The following CIMAP1A variants were observed in gnomAD, a reference collection of about 807,000 sequenced individuals.
The protein encoded by CIMAP1A is cancer/testis antigen 135.
the CIMAP1A span, chr11:198,125 G>C: frequency 9.7e-5 from 152 of 1,565,628 alleles, no homozygotes; most frequent in Non-Finnish European, 1.3e-4. Flanking sequence ...ATGTTGGGGA[G>C]TCCTCCTTGA....
At chr11:199,484 G>C in the CIMAP1A span, 3 of 1,559,560 alleles carry the variant, frequency 1.9e-6, no homozygotes, top group Non-Finnish European at 1.7e-6. Flanking sequence ...CTCAAGCCAG[G>C]ACCAGGCGCC....
chr11:198,672 G>A, the CIMAP1A span: 1 of 1,529,772 alleles, frequency 6.5e-7, no homozygotes, highest in African/African-American at 1.4e-5. Context: ...GTTCGGCCCT[G>A]CCTTGCCAAT....
At chr11:197,914 G>T in the CIMAP1A span, 4 of 1,494,496 alleles carry the variant, frequency 2.7e-6, no homozygotes, top group Non-Finnish European at 3.6e-6. Context: ...GGTCACCATC[G>T]TGCCTGGGCA....
chr11:199,661 G>A, the CIMAP1A span: 2 of 1,408,142 alleles, frequency 1.4e-6, no homozygotes, highest in Non-Finnish European at 1.8e-6. Flanking sequence ...GGGTGGAGGG[G>A]TGGGGTGGGG....
chr11:199,478 A>G, the CIMAP1A span: 4 of 1,560,182 alleles, frequency 2.6e-6, no homozygotes, highest in East Asian at 9.6e-5. Context: ...AAGACCCTCA[A>G]GCCAGGACCA....
chr11:198,727 G>A, the CIMAP1A span: 8,448 of 1,471,616 alleles, frequency 5.7e-3, 41 homozygotes, highest in Non-Finnish European at 6.5e-3. Flanking sequence ...CACCTGCCAC[G>A]TGCTGGGGTT....
the CIMAP1A span, chr11:198,227 G>A: frequency 6.2e-7 from 1 of 1,613,984 alleles, no homozygotes; most frequent in East Asian, 2.2e-5. Flanking sequence ...AATCCACCAA[G>A]TACGTGTTCG....
At chr11:199,406 G>A in the CIMAP1A span, 36 of 1,574,984 alleles carry the variant, frequency 2.3e-5, no homozygotes, top group Admixed American at 9.2e-5. Context: ...ACTGATGTGC[G>A]GGTGACCAAG....
the CIMAP1A span, chr11:200,101 G>A: frequency 1.9e-6 from 3 of 1,554,722 alleles, no homozygotes; most frequent in Middle Eastern, 1.7e-4. Context: ...AGAGCTCGAG[G>A]CTGTCTTCAC....
chr11:198,056 C>T, the CIMAP1A span: 14 of 1,543,306 alleles, frequency 9.1e-6, no homozygotes, highest in Non-Finnish European at 1.1e-5. Flanking sequence ...CCATCCTGGA[C>T]ACCCCCTGAC....
At chr11:200,222 G>T in the CIMAP1A span, 2 of 587,158 alleles carry the variant, frequency 3.4e-6, no homozygotes, top group Non-Finnish European at 6.0e-6. Flanking sequence ...CTTGTTTTCT[G>T]CTGTGCCCAA....
At chr11:198,223 C>G in the CIMAP1A span, 1 of 1,614,006 alleles carries the variant, frequency 6.2e-7, no homozygotes, top group Non-Finnish European at 8.5e-7. Context: ...GAGAAATCCA[C>G]CAAGTACGTG....
the CIMAP1A span, chr11:199,180 C>T: frequency 1.8e-5 from 25 of 1,427,910 alleles, no homozygotes; most frequent in Non-Finnish European, 2.2e-5. Flanking sequence ...GAAGTGACCC[C>T]CACATGAGGT....
the CIMAP1A span, chr11:197,439 AG>A: frequency 6.3e-6 from 10 of 1,595,602 alleles, no homozygotes; most frequent in Non-Finnish European, 8.6e-6. Context: ...ACTGTGGGAG[AG>A]GGTCAGGAGC....
At chr11:197,570 A>C in the CIMAP1A span, 1 of 1,613,206 alleles carries the variant, frequency 6.2e-7, no homozygotes, top group Non-Finnish European at 8.5e-7. Flanking sequence ...GGCTTCATGA[A>C]GCACACGCCC....
At chr11:197,169 T>TTAG in the CIMAP1A span, 3 of 598,856 alleles carry the variant, frequency 5.0e-6, no homozygotes. Context: ...AGATCCCCAC[T>TTAG]GATGCTGCAG....
the CIMAP1A span, chr11:200,128 G>C: frequency 3.8e-6 from 5 of 1,321,624 alleles, no homozygotes; most frequent in Non-Finnish European, 5.3e-6. Flanking sequence ...GGCTGGGCCA[G>C]CCTGGCCCTG....
chr11:198,053 G>T, the CIMAP1A span: 1 of 1,542,836 alleles, frequency 6.5e-7, no homozygotes. Context: ...TTTCCATCCT[G>T]GACACCCCCT....
the CIMAP1A span, chr11:197,470 C>T: frequency 6.3e-7 from 1 of 1,590,878 alleles, no homozygotes; most frequent in Non-Finnish European, 8.6e-7. Context: ...AGGTGGGGGT[C>T]CCGGGAAGGG....
Sources: gnomAD v4.1 joint callset for allele counts on GRCh38, gnomAD v4.1.1 for gene constraint, MANE v1.5 for transcripts, NCBI Gene and HGNC (gene_info 2026-07-23, HGNC 2026-07-21) for gene names.